PROSER2: variants seen among roughly 807,000 people sequenced by gnomAD.
PROSER2 encodes the protein proline and serine-rich protein 2.
PROSER2 carries 18 observed loss-of-function variants against 14.6 expected under a neutral mutation model. The observed-to-expected ratio is 1.23, with a 90% CI of 0.85 to 1.83. PROSER2 has a LOEUF of 1.83. PROSER2 is among the 40% of genes most tolerant of loss of function. PROSER2 has a pLI of 0.00. For missense variants in PROSER2, 823 were observed against 629.8 expected, an observed-to-expected ratio of 1.31 and a Z score of -3.28; for synonymous variants, 367 against 286.4, an observed-to-expected ratio of 1.28 and a Z score of -2.84.
intron 1 of PROSER2, among the ~76,000 whole-genome samples, chr10:11,844,704 C>A (rs1833898929): frequency 6.6e-6 from 1 of 152,198 alleles, no homozygotes; most frequent in African/African-American, 2.4e-5. Context: ...TCACTGCAAC[C>A]TCTGCCTCCT....
chr10:11,839,859 A>T (rs896734773), intron 1 of PROSER2, among the ~76,000 whole-genome samples: 14 of 151,986 alleles, frequency 9.2e-5, no homozygotes, highest in Non-Finnish European at 1.9e-4. Flanking sequence ...ACAATATGGA[A>T]TAGCAGTGGT....
At chr10:11,827,075 T>G (rs1040967319) in intron 1 of PROSER2, among the ~76,000 whole-genome samples, 7 of 151,486 alleles carry the variant, frequency 4.6e-5, no homozygotes, top group African/African-American at 1.7e-4. Context: ...TTGTAGAGAC[T>G]GGGTTTTGCC....
At chr10:11,867,168 G>A (rs1301134888) in intron 3 of PROSER2, among the ~76,000 whole-genome samples, 8 of 151,354 alleles carry the variant, frequency 5.3e-5, no homozygotes, top group Admixed American at 5.3e-4. Flanking sequence ...AGGAGGCTGA[G>A]GCAGGAGAAT....
chr10:11,867,264 CAAAAAA>C (rs10560433), intron 3 of PROSER2, among the ~76,000 whole-genome samples: 1 of 51,810 alleles, frequency 1.9e-5, no homozygotes, highest in Non-Finnish European at 3.7e-5. Flanking sequence ...GACTCCGTCT[CAAAAAA>C]AAAAAAAAAA....
chr10:11,845,970 C>G lies in PROSER2; in HGVS notation c.-81-6027C>G, dbSNP rs1298986085. ...TTGTCTCCTTAAACATTACTTCATT[C>G]ATTCATTCATTCATGCATTCATTCA... On this transcript the variant is annotated intron_variant, in intron 1 of 3. Coordinates refer to ENST00000277570, the MANE Select transcript of PROSER2 (RefSeq NM_153256.4). Among the ~76,000 whole-genome samples, 4 of 152,136 alleles carry G rather than the reference C, an allele frequency of 2.6e-5. No homozygotes were observed. In the East Asian group the frequency reaches 7.7e-4, roughly 29 times the overall value.
rs781647781 is a variant in PROSER2, at chr10:11,852,070, CTG to C, written c.-5_-4del. 8.1e-6 allele frequency: 13 copies of C among 1,606,060 alleles called. No individual in the cohort carries two copies. The highest frequency in any genetic ancestry group is 1.7e-4 in the Middle Eastern group (1 of 5,948). ...TGTGATCGAGCCGGCCCTGAGGACT[CTG>C]TGGAGATGCCTGTAACCCACCGGAA... On this transcript the variant is annotated 5_prime_UTR_variant, in exon 2 of 4. Transcript: ENST00000277570.
At chr10:11,850,317 C>CTGGCGTT (rs1160538435) in intron 1 of PROSER2, 1 of 152,418 alleles carries the variant, frequency 6.6e-6, no homozygotes, top group East Asian at 1.9e-4. Context: ...CAATGTGGCT[C>CTGGCGTT]TGGCGTTTGG....
At chr10:11,868,698 T>TCC (rs1834401838) in intron 3 of PROSER2, among the ~76,000 whole-genome samples, 1 of 152,216 alleles carries the variant, frequency 6.6e-6, no homozygotes, top group Non-Finnish European at 1.5e-5. Flanking sequence ...TCACTCAGGC[T>TCC]GGAGTGCAGT....
In PROSER2 at chr10:11,843,835, G is replaced by C. The variant is rs566678936; in HGVS notation, c.-81-8162G>C. On this transcript the variant is annotated intron_variant, in intron 1 of 3. Transcript: ENST00000277570. ...CCACTGCACTCCAACCTGGGTGATA[G>C]AGTGAAACTCCATCTCAAAAAAAAG... Among the ~76,000 whole-genome samples the C allele has an allele frequency of 1.3e-4, 20 of 151,950 alleles. No homozygotes were observed. The South Asian group carries it at 4.2e-3, about 32-fold the overall frequency.
chr10:11,834,356 C>T (rs979851016), intron 1 of PROSER2, among the ~76,000 whole-genome samples: 2 of 151,846 alleles, frequency 1.3e-5, no homozygotes, highest in African/African-American at 4.8e-5. Context: ...AGAGACAAGG[C>T]TAGGCCAGAT....
In PROSER2 at chr10:11,837,826, T is replaced by G. The variant is rs1461907141; in HGVS notation, c.-81-14171T>G. Among the ~76,000 whole-genome samples, 1 of 152,192 alleles carries G rather than the reference T, an allele frequency of 6.6e-6. No homozygotes were observed. The highest frequency in any genetic ancestry group is 1.5e-5 in the Non-Finnish European group (1 of 68,038). ...GCTTAGATTCTTCAGTAAAGTGCGT[T>G]GGGTTAACCGTTCCCTGGTTAGTTT... On this transcript the variant is annotated intron_variant, in intron 1 of 3. Transcript: ENST00000277570. This position sits in a 1 kb window ranked among gnomAD's most constrained non-coding sequence, Gnocchi z 4.6.
At chr10:11,832,149 A>G (rs931288836) in intron 1 of PROSER2, among the ~76,000 whole-genome samples, 1 of 152,160 alleles carries the variant, frequency 6.6e-6, no homozygotes, top group Non-Finnish European at 1.5e-5. Context: ...TTTGGAGGAA[A>G]AGCAGAATCA....
At chr10:11,848,623 C>T (rs900200352) in intron 1 of PROSER2, among the ~76,000 whole-genome samples, 2 of 152,152 alleles carry the variant, frequency 1.3e-5, no homozygotes, top group African/African-American at 4.8e-5. Flanking sequence ...CTTTGCAGGG[C>T]GTAAACCTCC....
intron 2 of PROSER2, among the ~76,000 whole-genome samples, chr10:11,854,330 C>T (rs1453657020): frequency 6.6e-6 from 1 of 152,156 alleles, no homozygotes; most frequent in Non-Finnish European, 1.5e-5. Flanking sequence ...TTGTTTAAGA[C>T]AAGGTCTTGC....
intron 2 of PROSER2, among the ~76,000 whole-genome samples, chr10:11,852,728 G>C (rs1834048576): frequency 1.5e-5 from 2 of 136,890 alleles, no homozygotes; most frequent in African/African-American, 5.4e-5. Flanking sequence ...AGTAGAGACA[G>C]GGTTTCACCA....
At chr10:11,867,758 G>C (rs1000628531) in intron 3 of PROSER2, among the ~76,000 whole-genome samples, 1 of 152,220 alleles carries the variant, frequency 6.6e-6, no homozygotes, top group Non-Finnish European at 1.5e-5. Context: ...GTGCGCCCCA[G>C]TTCCTAACAG....
intron 1 of PROSER2, among the ~76,000 whole-genome samples, chr10:11,828,454 C>A (rs1833645154): frequency 6.6e-6 from 1 of 152,104 alleles, no homozygotes; most frequent in Non-Finnish European, 1.5e-5. Context: ...GTAATCCCAG[C>A]ACTATGGGAG....
rs79437333 is a variant in PROSER2, at chr10:11,849,401, G to T, written c.-81-2596G>T. The stretch of plus-strand genomic sequence containing the variant: ...CCCATAAATATATTCTGTAGGTCTA[G>T]GTCTGAGTCCCAGAGAGCTTCTGAT... On this transcript the variant is annotated intron_variant, in intron 1 of 3. Transcript: ENST00000277570. Among the ~76,000 whole-genome samples the T allele has an allele frequency of 8.4e-3, 1,284 of 152,280 alleles. 21 individuals carry two copies. Among genetic ancestry groups the T allele is most frequent in the African/African-American group, 0.029 (1,210 of 41,558 alleles).
rs555176873 is a variant in PROSER2 at position 11,852,986 on chromosome 10, G to A, written c.138+771G>A. On this transcript the variant is annotated intron_variant, in intron 2 of 3. Transcript: ENST00000277570. Reference sequence around the variant, plus strand: ...GAGTTGGTGAAGTTAAGAGGATCTCGTGCCTTCCCCGGTGAGGACATTCAT... The same window carrying A: ...GAGTTGGTGAAGTTAAGAGGATCTCATGCCTTCCCCGGTGAGGACATTCAT... Among the ~76,000 whole-genome samples, 13 of 152,234 alleles carry A rather than the reference G, an allele frequency of 8.5e-5. No homozygotes were observed. In the East Asian group the frequency reaches 2.3e-3, roughly 27 times the overall value.
Sources: gnomAD v4.1 joint callset for allele counts (sites outside exome capture counted in the v4.1 genomes callset) on GRCh38, gnomAD v4.1.1 for gene constraint, Gnocchi (gnomAD v3.1) non-coding constraint, MANE v1.5 for transcripts, NCBI Gene and HGNC (gene_info 2026-07-23, HGNC 2026-07-21) for gene names.